Variants in PHKA1 observed in about 807,000 individuals in gnomAD.
The protein encoded by PHKA1 is phosphorylase kinase regulatory subunit alpha 1.
A neutral mutation model predicts 110.2 loss-of-function variants in PHKA1; 60 were observed. That is an observed-to-expected ratio of 0.54 (90% CI 0.44 to 0.68). The LOEUF is 0.68. Ranked by LOEUF, PHKA1 falls within the 30% of genes least tolerant of loss-of-function variation. PHKA1 has a pLI of 0.00. For missense variants in PHKA1, 801 were observed against 942.5 expected, an observed-to-expected ratio of 0.85 and a Z score of 1.97; for synonymous variants, 316 against 333.6, an observed-to-expected ratio of 0.95 and a Z score of 0.58.
At chrX:72,620,703 G>A (rs782499367) in intron 19 of PHKA1, 22 bp downstream of exon 19, 6 of 1,169,484 alleles carry the variant, frequency 5.1e-6, no homozygotes, top group East Asian at 3.0e-5. Context: ...GCCTGACTCT[G>A]GTGAGTCACG....
At chrX:72,687,697 CTTCT>C (rs782488656) in intron 4 of PHKA1, among the ~76,000 whole-genome samples, 1 of 111,191 alleles carries the variant, frequency 9.0e-6, no homozygotes, top group African/African-American at 3.3e-5. Context: ...TTAAAAAAAA[CTTCT>C]TTCTCTATTA....
intron 16 of PHKA1, among the ~76,000 whole-genome samples, chrX:72,630,912 A>C (rs781981700): frequency 9.2e-6 from 1 of 109,281 alleles, no homozygotes; most frequent in South Asian, 3.9e-4. Context: ...CATGAATGTT[A>C]GATCTTTTTA....
In PHKA1 at chrX:72,714,223, GC is replaced by G. The variant is rs2054429424; in HGVS notation, c.-344del. 1 of 199,556 alleles carries G rather than the reference GC, an allele frequency of 5.0e-6. No individual in the cohort carries two copies. Among genetic ancestry groups the G allele is most frequent in the Non-Finnish European group, 9.1e-6 (1 of 110,154 alleles). 16.4% of individuals were successfully genotyped at this position (199,556 alleles called of 1,213,427 possible). ...CCCTCAACCCCGGGAGACCGCCGCGGCCCACAGCCTCCCGCCCGGCCGCCGC... is the reference window on the plus strand; with the variant it reads ...CCCTCAACCCCGGGAGACCGCCGCGGCCACAGCCTCCCGCCCGGCCGCCGC... On this transcript the variant is annotated 5_prime_UTR_variant, in exon 1 of 32. Coordinates refer to ENST00000373542, the MANE Select transcript of PHKA1 (RefSeq NM_002637.4).
Position 72,618,846 on chromosome X carries a change from G to A in PHKA1, c.2233C>T (p.Pro745Ser), listed in dbSNP as rs1569431709. 1.7e-6 allele frequency: 2 copies of A among 1,204,280 alleles called. No individual in the cohort carries two copies. Among genetic ancestry groups the A allele is most frequent in the African/African-American group, 3.5e-5 (2 of 57,652 alleles). The stretch of plus-strand genomic sequence containing the variant: ...AGATGTATTTCTACACGAACAGAGG[G>A]AACCTTTAGTTTGAGAAATGATGAC... ...SPHPRQENQV[P>S]SVRVEIHLPR... The change falls in exon 21 of 32, where the codon CCC (proline) becomes TCC (serine). Residue 745 changes from proline (P) to serine (S), a missense_variant. Physicochemically the swap from Pro to Ser is moderately conservative, Grantham distance 74. Transcript: ENST00000373542.
At chrX:72,622,481 A>G in intron 18 of PHKA1, 1 of 754,103 alleles carries the variant, frequency 1.3e-6, no homozygotes, top group Non-Finnish European at 1.6e-6. Context: ...TGCTCTGCCT[A>G]AGTCAGTATT....
At chrX:72,671,973 C>T (rs2053708605) in intron 6 of PHKA1, among the ~76,000 whole-genome samples, 1 of 112,057 alleles carries the variant, frequency 8.9e-6, no homozygotes, top group South Asian at 3.8e-4. Flanking sequence ...AGACCTAAAA[C>T]CATAAAAACC....
At chrX:72,633,598 A>G (rs1556289712) in intron 16 of PHKA1, among the ~76,000 whole-genome samples, 1 of 111,375 alleles carries the variant, frequency 9.0e-6, no homozygotes, top group African/African-American at 3.3e-5. Context: ...AAAATGACTC[A>G]TATCTTTCTT....
chrX:72,651,915 A>T (rs782620448), intron 12 of PHKA1, among the ~76,000 whole-genome samples: 1 of 111,985 alleles, frequency 8.9e-6, no homozygotes, highest in Admixed American at 9.5e-5. Context: ...GCCAGATGAT[A>T]TGAAAAACTT....
At chrX:72,696,454 C>A (rs1230535698) in intron 3 of PHKA1, among the ~76,000 whole-genome samples, 2 of 111,166 alleles carry the variant, frequency 1.8e-5, no homozygotes, top group Non-Finnish European at 3.8e-5. Flanking sequence ...CAAAGTCATC[C>A]CTCTGCTCAC....
intron 4 of PHKA1, among the ~76,000 whole-genome samples, chrX:72,686,979 G>A (rs1184658855): frequency 8.9e-6 from 1 of 111,733 alleles, no homozygotes; most frequent in Non-Finnish European, 1.9e-5. Context: ...GCAAACACAG[G>A]CTTTAAAAAA....
chrX:72,670,223 G>T lies in PHKA1; in HGVS notation c.619-2750C>A, dbSNP rs781890027. Among the ~76,000 whole-genome samples, 17 of 111,084 alleles carry T rather than the reference G, an allele frequency of 1.5e-4. No individual in the cohort carries two copies. The South Asian group carries it at 6.1e-3, about 40-fold the overall frequency. On this transcript the variant is annotated intron_variant, in intron 6 of 31. Transcript: ENST00000373542. ...TATCCTTTGCCCACTTTTTGATGGG[G>T]TTGTTTTTTTCTTGTAAATTTCTTT...
chrX:72,592,931 T>C (rs1194371992), intron 29 of PHKA1, among the ~76,000 whole-genome samples, 173 bp downstream of exon 29: 1 of 112,710 alleles, frequency 8.9e-6, no homozygotes, highest in Non-Finnish European at 1.9e-5. Context: ...TTATTAATAA[T>C]GCCACAATAA....
intron 3 of PHKA1, among the ~76,000 whole-genome samples, chrX:72,699,641 ATTACATCCATGTATC>A (rs1556328804): frequency 9.0e-6 from 1 of 110,679 alleles, no homozygotes; most frequent in African/African-American, 3.3e-5. Flanking sequence ...AACTAAGGTT[ATTACATCCATGTATC>A]TTCCTATATG....
chrX:72,645,390 C>G (rs2053348707), intron 13 of PHKA1, among the ~76,000 whole-genome samples: 1 of 112,206 alleles, frequency 8.9e-6, no homozygotes, highest in African/African-American at 3.2e-5. Context: ...GAAGCAAAGG[C>G]TTAGTTAACA....
intron 3 of PHKA1, among the ~76,000 whole-genome samples, chrX:72,696,123 T>G (rs1248007162): frequency 8.9e-6 from 1 of 111,961 alleles, no homozygotes; most frequent in Non-Finnish European, 1.9e-5. Context: ...AACAGCTCTT[T>G]CCTATTCATT....
At chrX:72,677,896 TTTAA>T (rs2053798433) in intron 5 of PHKA1, among the ~76,000 whole-genome samples, 1 of 110,196 alleles carries the variant, frequency 9.1e-6, no homozygotes, top group East Asian at 2.9e-4. Context: ...TACAATTTTT[TTTAA>T]TTAGTCAGGC....
intron 5 of PHKA1, among the ~76,000 whole-genome samples, chrX:72,682,141 G>GCCA (rs2053896302): frequency 1.2e-5 from 1 of 86,136 alleles, no homozygotes; most frequent in Non-Finnish European, 2.3e-5. Context: ...CCTCTGCCCG[G>GCCA]CCGCCCCTAC....
intron 6 of PHKA1, among the ~76,000 whole-genome samples, chrX:72,670,615 T>G (rs192446422): frequency 0.067 from 7,412 of 111,419 alleles, 280 homozygotes; most frequent in Non-Finnish European, 0.11. Flanking sequence ...TACCAAAGCC[T>G]GGCAGAGACA....
At chrX:72,639,514 T>A (rs868983996) in intron 14 of PHKA1, among the ~76,000 whole-genome samples, 2 of 111,193 alleles carry the variant, frequency 1.8e-5, no homozygotes, top group African/African-American at 6.5e-5. Flanking sequence ...CCAGCCAGCC[T>A]GGGCAACAAG....
Sources: gnomAD v4.1 joint callset for allele counts (sites outside exome capture counted in the v4.1 genomes callset) on GRCh38, gnomAD v4.1.1 for gene constraint, MANE v1.5 for transcripts, NCBI Gene and HGNC (gene_info 2026-07-23, HGNC 2026-07-21) for gene names.